The following CIMIP6 variants were observed in gnomAD, a reference collection of about 807,000 sequenced individuals.
The protein encoded by CIMIP6 is ciliary microtubule inner protein 6.
At chr2:54,378,989 C>T in the CIMIP6 span, among the ~76,000 whole-genome samples, 10 of 152,138 alleles carry the variant, frequency 6.6e-5, no homozygotes, top group Non-Finnish European at 1.5e-4. Context: ...GTGACAGGCA[C>T]GCAAGCCTCT....
the CIMIP6 span, chr2:54,334,804 T>A: frequency 3.3e-6 from 5 of 1,506,318 alleles, no homozygotes; most frequent in Non-Finnish European, 4.5e-6. Flanking sequence ...GGTTTACTAT[T>A]TATGTTTTTC....
the CIMIP6 span, among the ~76,000 whole-genome samples, chr2:54,380,581 C>G: frequency 1.3e-5 from 2 of 152,208 alleles, no homozygotes; most frequent in Non-Finnish European, 2.9e-5. Context: ...TTAAAACACT[C>G]AAAAAGCTCC....
the CIMIP6 span, among the ~76,000 whole-genome samples, chr2:54,348,895 T>A: frequency 6.6e-6 from 1 of 152,242 alleles, no homozygotes; most frequent in Non-Finnish European, 1.5e-5. Flanking sequence ...TTATGTCTTC[T>A]ACCACACACA....
the CIMIP6 span, chr2:54,360,278 C>T: frequency 3.1e-6 from 5 of 1,612,292 alleles, no homozygotes; most frequent in African/African-American, 6.7e-5. Flanking sequence ...AGAGGTATTA[C>T]TGAACACTCC....
At chr2:54,334,786 G>T in the CIMIP6 span, 1 of 1,387,294 alleles carries the variant, frequency 7.2e-7, no homozygotes, top group East Asian at 2.5e-5. Context: ...ATGGTTACTG[G>T]GGTAAATGGT....
chr2:54,340,941 G>A, the CIMIP6 span, among the ~76,000 whole-genome samples: 11 of 152,006 alleles, frequency 7.2e-5, no homozygotes, highest in Non-Finnish European at 1.3e-4. Flanking sequence ...CTCCAGCTTG[G>A]GTGATGGAGT....
chr2:54,378,834 A>T, the CIMIP6 span, among the ~76,000 whole-genome samples: 1 of 152,216 alleles, frequency 6.6e-6, no homozygotes, highest in Non-Finnish European at 1.5e-5. Flanking sequence ...CTGAATTCTT[A>T]CAGCTGTAGA....
At chr2:54,370,418 G>T in the CIMIP6 span, among the ~76,000 whole-genome samples, 4 of 151,268 alleles carry the variant, frequency 2.6e-5, no homozygotes, top group South Asian at 6.3e-4. Flanking sequence ...CCACTCAAAG[G>T]TGTATTACAA....
the CIMIP6 span, among the ~76,000 whole-genome samples, chr2:54,331,680 C>G: frequency 3.9e-5 from 6 of 151,984 alleles, no homozygotes; most frequent in African/African-American, 1.5e-4. Flanking sequence ...TTCCCACCCC[C>G]GAGACACACA....
the CIMIP6 span, among the ~76,000 whole-genome samples, chr2:54,338,330 G>A: frequency 1.3e-5 from 2 of 152,076 alleles, no homozygotes; most frequent in Non-Finnish European, 2.9e-5. Flanking sequence ...AGCTACTTAG[G>A]AGGCTGAGGC....
the CIMIP6 span, among the ~76,000 whole-genome samples, chr2:54,332,484 C>T: frequency 6.6e-6 from 1 of 152,204 alleles, no homozygotes; most frequent in Admixed American, 6.5e-5. Context: ...TCTCATATCT[C>T]TTACAATAGG....
chr2:54,345,170 TAC>T, the CIMIP6 span, among the ~76,000 whole-genome samples: 1 of 152,152 alleles, frequency 6.6e-6, no homozygotes, highest in Non-Finnish European at 1.5e-5. Context: ...GAGAAAAGCA[TAC>T]AAATTTATTT....
At chr2:54,341,094 A>G in the CIMIP6 span, among the ~76,000 whole-genome samples, 1 of 152,244 alleles carries the variant, frequency 6.6e-6, no homozygotes, top group Non-Finnish European at 1.5e-5. Context: ...ACAAAAGTAG[A>G]TGATATGAAG....
the CIMIP6 span, among the ~76,000 whole-genome samples, chr2:54,364,799 G>A: frequency 7.2e-5 from 11 of 152,256 alleles, no homozygotes; most frequent in South Asian, 1.5e-3. Context: ...CTGCCTTAAC[G>A]GACTACGTTG....
chr2:54,379,146 A>C, the CIMIP6 span, among the ~76,000 whole-genome samples: 3 of 152,246 alleles, frequency 2.0e-5, no homozygotes, highest in Non-Finnish European at 4.4e-5. Flanking sequence ...CTGGCTTCAT[A>C]CAAGGAAATT....
the CIMIP6 span, among the ~76,000 whole-genome samples, chr2:54,332,124 G>A: frequency 6.6e-6 from 1 of 152,156 alleles, no homozygotes; most frequent in East Asian, 1.9e-4. Context: ...GGAAGCTTTG[G>A]CAGTTACAGT....
the CIMIP6 span, among the ~76,000 whole-genome samples, chr2:54,355,898 A>T: frequency 6.6e-6 from 1 of 152,270 alleles, no homozygotes; most frequent in South Asian, 2.1e-4. Context: ...TATGTTTTAA[A>T]ATTTTCTTTT....
chr2:54,372,418 C>G, the CIMIP6 span, among the ~76,000 whole-genome samples: 1 of 152,186 alleles, frequency 6.6e-6, no homozygotes, highest in Non-Finnish European at 1.5e-5. Flanking sequence ...GGTTGTAAAA[C>G]ACGGCCTCAG....
At chr2:54,343,595 C>T in the CIMIP6 span, 2 of 583,578 alleles carry the variant, frequency 3.4e-6, no homozygotes, top group Admixed American at 4.2e-5. Context: ...TTTCAGAACT[C>T]CACATTAGTA....
Sources: allele counts gnomAD v4.1 joint callset (sites outside exome capture counted in the v4.1 genomes callset), GRCh38; gene constraint gnomAD v4.1.1; transcripts MANE v1.5; gene names NCBI Gene and HGNC (gene_info 2026-07-23, HGNC 2026-07-21).